TIAM2: variants seen among roughly 807,000 people sequenced by gnomAD.
The protein encoded by TIAM2 is TIAM Rac1 associated GEF 2, also known as rho guanine nucleotide exchange factor TIAM2.
Under a neutral mutation model 152.9 loss-of-function variants are expected in TIAM2, and 80 were observed. The observed-to-expected ratio is 0.52, with a 90% CI of 0.44 to 0.63. The LOEUF (loss-of-function observed/expected upper bound fraction) is 0.63, where lower values mean the gene tolerates loss of function less well. TIAM2 is among the 30% of genes least tolerant of loss of function. The pLI, the probability that TIAM2 is intolerant of heterozygous loss-of-function variation, is 0.00. For synonymous variants in TIAM2, 804 were observed against 838.0 expected, an observed-to-expected ratio of 0.96 and a Z score of 0.70; for missense variants, 1,965 against 2,120.1, an observed-to-expected ratio of 0.93 and a Z score of 1.44.
intron 1 of TIAM2, among the ~76,000 whole-genome samples, chr6:155,044,307 G>A (rs973617832): frequency 6.6e-6 from 1 of 152,168 alleles, no homozygotes; most frequent in Non-Finnish European, 1.5e-5. Flanking sequence ...ACGGGATCAC[G>A]CAGCTATCTT....
At chr6:155,229,523 C>T (rs1404309488) in intron 15 of TIAM2, among the ~76,000 whole-genome samples, 2 of 152,224 alleles carry the variant, frequency 1.3e-5, no homozygotes, top group African/African-American at 2.4e-5. Context: ...CATGATCACA[C>T]AGCTGGTCAT....
At chr6:155,085,328 T>G (rs1320171745) in intron 1 of TIAM2, among the ~76,000 whole-genome samples, 1 of 152,208 alleles carries the variant, frequency 6.6e-6, no homozygotes, top group Non-Finnish European at 1.5e-5. Context: ...GCATTCTACT[T>G]ACGTAGAGGT....
At chr6:155,152,453 G>T (rs1327837429) in intron 7 of TIAM2, among the ~76,000 whole-genome samples, 1 of 152,180 alleles carries the variant, frequency 6.6e-6, no homozygotes, top group Admixed American at 6.5e-5. Flanking sequence ...GTACCTCCCC[G>T]CTCTCTGTCT....
chr6:155,245,486 TG>T, intron 18 of TIAM2, 136 bp from the exon 19 acceptor site: 1 of 699,122 alleles, frequency 1.4e-6, no homozygotes, highest in Non-Finnish European at 2.4e-6. Context: ...ACCTCCTGTG[TG>T]GATGGAGCAG....
In TIAM2 at chr6:155,108,616, C is replaced by T. The variant is rs146995140; in HGVS notation, c.-118+18237C>T. Among the ~76,000 whole-genome samples the T allele has an allele frequency of 4.1e-3, 620 of 152,256 alleles. 6 individuals carry two copies. Among genetic ancestry groups the T allele is most frequent in the African/African-American group, 0.013 (555 of 41,540 alleles). The stretch of plus-strand genomic sequence containing the variant: ...GCAGAGGGAGTGACTTTCCAAAGCC[C>T]TCTCATTAGATCAGGCCTGCAGGAA... On this transcript the variant is annotated intron_variant, in intron 2 of 26. Transcript: ENST00000682666.
chr6:155,247,237 G>A (rs565909258), intron 19 of TIAM2, among the ~76,000 whole-genome samples: 30 of 152,376 alleles, frequency 2.0e-4, no homozygotes, highest in African/African-American at 6.7e-4. Flanking sequence ...AACAACTAGA[G>A]TGAGGCCAGT....
chr6:155,231,750 G>T (rs1782486153), intron 15 of TIAM2, among the ~76,000 whole-genome samples: 1 of 152,264 alleles, frequency 6.6e-6, no homozygotes, highest in Non-Finnish European at 1.5e-5. Flanking sequence ...CCACTGTGCA[G>T]TCCAGATGTG....
At chr6:155,071,620 A>C (rs1777839597) in intron 1 of TIAM2, among the ~76,000 whole-genome samples, 1 of 152,106 alleles carries the variant, frequency 6.6e-6, no homozygotes, top group South Asian at 2.1e-4. Flanking sequence ...GTAAAGAATT[A>C]TTGGCCGGGC....
intron 1 of TIAM2, among the ~76,000 whole-genome samples, chr6:155,002,230 A>C (rs1480950513): frequency 3.3e-5 from 5 of 152,152 alleles, no homozygotes; most frequent in African/African-American, 4.8e-5. Context: ...GCAACATAGT[A>C]AGACCCTGTC....
chr6:155,066,107 G>A (rs1216235295), intron 1 of TIAM2, among the ~76,000 whole-genome samples: 1 of 152,178 alleles, frequency 6.6e-6, no homozygotes, highest in Non-Finnish European at 1.5e-5. Context: ...CAGCTAAATT[G>A]GTCCTGGGCC....
At chr6:155,010,252 A>C (rs1778464615) in intron 1 of TIAM2, among the ~76,000 whole-genome samples, 1 of 152,242 alleles carries the variant, frequency 6.6e-6, no homozygotes, top group African/African-American at 2.4e-5. Context: ...AGGATATATA[A>C]ATAGGTAGGC....
chr6:155,179,753 C>T (rs979176019), intron 12 of TIAM2, among the ~76,000 whole-genome samples: 9 of 152,168 alleles, frequency 5.9e-5, no homozygotes, highest in African/African-American at 2.2e-4. Flanking sequence ...GCTGGTGCTG[C>T]TCTGAGCAGA....
intron 18 of TIAM2, among the ~76,000 whole-genome samples, chr6:155,245,109 C>A (rs1205977297): frequency 1.3e-5 from 2 of 152,180 alleles, no homozygotes; most frequent in East Asian, 3.9e-4. Flanking sequence ...CTACCCTGTG[C>A]CCAATCCTTC....
intron 1 of TIAM2, among the ~76,000 whole-genome samples, chr6:154,996,530 C>T (rs1408533292): frequency 6.6e-6 from 1 of 152,166 alleles, no homozygotes; most frequent in African/African-American, 2.4e-5. Context: ...ATGATGCTGA[C>T]CACCTTATTT....
Position 155,240,715 on chromosome 6 carries a change from G to A in TIAM2, c.3348+6G>A. On this transcript the variant is annotated splice_donor_region_variant and intron_variant, in intron 16 of 26. Transcript: ENST00000682666. ...CAGAGAAGTCCTACGTGAAGGTAAGGGAAGAGCTGGCATTTATGCATTCGT... is the reference window on the plus strand; with the variant it reads ...CAGAGAAGTCCTACGTGAAGGTAAGAGAAGAGCTGGCATTTATGCATTCGT... 1 of 1,606,026 alleles carries A rather than the reference G, an allele frequency of 6.2e-7. No homozygotes were observed. The highest frequency in any genetic ancestry group is 1.1e-5 in the South Asian group (1 of 90,962).
chr6:155,034,357 TCTC>T (rs1374639314), intron 1 of TIAM2, among the ~76,000 whole-genome samples: 1 of 152,036 alleles, frequency 6.6e-6, no homozygotes, highest in Admixed American at 6.6e-5. Flanking sequence ...TTCAAGCAAT[TCTC>T]CTGCCTCAGC....
At chr6:155,028,665 A>G (rs1776699289) in intron 1 of TIAM2, among the ~76,000 whole-genome samples, 1 of 133,698 alleles carries the variant, frequency 7.5e-6, no homozygotes, top group South Asian at 2.4e-4. Context: ...TAATATATAT[A>G]CTGTGTTATA....
intron 15 of TIAM2, among the ~76,000 whole-genome samples, chr6:155,233,385 C>G (rs567613013): frequency 1.3e-5 from 2 of 152,058 alleles, no homozygotes; most frequent in Admixed American, 6.6e-5. Flanking sequence ...TTAGAAGGTT[C>G]ATCTGAGTGA....
chr6:155,234,649 C>T (rs1415921630), intron 15 of TIAM2, among the ~76,000 whole-genome samples: 1 of 152,224 alleles, frequency 6.6e-6, no homozygotes, highest in Non-Finnish European at 1.5e-5. Flanking sequence ...AAGTGATCCA[C>T]CTGCCTCATT....
Sources: allele counts gnomAD v4.1 joint callset (sites outside exome capture counted in the v4.1 genomes callset), GRCh38; gene constraint gnomAD v4.1.1; transcripts MANE v1.5; gene names NCBI Gene and HGNC (gene_info 2026-07-23, HGNC 2026-07-21).